Variants in TMEM18 observed in about 807,000 individuals in gnomAD.
TMEM18 encodes the protein transmembrane protein 18.
Under a neutral mutation model 17.4 loss-of-function variants are expected in TMEM18, and 14 were observed. The observed-to-expected ratio is 0.80, with a 90% confidence interval of 0.53 to 1.25. The LOEUF (loss-of-function observed/expected upper bound fraction) is 1.25, where lower values mean the gene tolerates loss of function less well. Among genes scored for constraint, TMEM18 ranks in the 50% most tolerant of loss-of-function variants. The pLI is 0.00. For missense variants in TMEM18, 187 were observed against 172.1 expected (o/e 1.09, Z -0.48); for synonymous variants, 86 against 66.1 (o/e 1.30, Z -1.46).
Position 672,881 on chromosome 2 carries a change from C to A in TMEM18, c.179-19G>T, listed in dbSNP as rs1678892624. On this transcript the variant is annotated intron_variant, in intron 2 of 4. Transcript: ENST00000281017. ...AAGATGACTGAAAAAAGGTACAAGT[C>A]ATATTAGAATTTAGATGGCCCGTTA... 2.6e-6 allele frequency: 4 copies of A among 1,510,086 alleles called. No individual in the cohort carries two copies. In the South Asian group the frequency reaches 4.2e-5, roughly 16 times the overall value. 93.5% of individuals were successfully genotyped at this position (1,510,086 alleles called of 1,614,324 possible).
chr2:664,164 G>A lies in TMEM18; in HGVS notation c.*5416C>T, dbSNP rs1174314803. The stretch of plus-strand genomic sequence containing the variant: ...CCCATCAGTGTGAACTAAGTAACAG[G>A]TGAAATCATAAGGATGGCACAATGT... On this transcript the variant is annotated 3_prime_UTR_variant, in exon 5 of 5. Coordinates refer to ENST00000281017, the MANE Select transcript of TMEM18 (RefSeq NM_152834.4). 6.6e-6 allele frequency among the ~76,000 whole-genome samples: 1 copy of A among 152,242 alleles called. No homozygotes were observed. The highest frequency in any genetic ancestry group is 1.5e-5 in the Non-Finnish European group (1 of 68,048).
rs1156419049 is a variant in TMEM18, at chr2:668,536, T to C, written c.*1044A>G. 1 of 152,242 alleles carries C rather than the reference T, an allele frequency of 6.6e-6. No homozygotes were observed. The highest frequency in any genetic ancestry group is 2.4e-5 in the African/African-American group (1 of 41,456). 9.4% of individuals were successfully genotyped at this position (152,242 alleles called of 1,614,324 possible). A position where few individuals can be genotyped will look rare whatever the true frequency, so the allele number is the denominator to read the frequency against. On this transcript the variant is annotated 3_prime_UTR_variant, in exon 5 of 5. Transcript: ENST00000281017. ...CAAAGATAACTGTTCCAATTACATT[T>C]TGAATTGGTAACTTTCAGAAATGCA... is the stretch of plus-strand genomic sequence containing the variant.
rs1408991723 is a variant in TMEM18 at position 663,900 on chromosome 2, T to G, written c.*5680A>C. Among the ~76,000 whole-genome samples, 1 of 152,204 alleles carries G rather than the reference T, an allele frequency of 6.6e-6. No homozygotes were observed. On this transcript the variant is annotated 3_prime_UTR_variant, in exon 5 of 5. Coordinates refer to ENST00000281017, the MANE Select transcript of TMEM18 (RefSeq NM_152834.4). Reference sequence around the variant, plus strand: ...AATTTAAAGAGCAAAAAAGCCAACATGAGTAACTTTATTTATAAAGGTGTC... The same window carrying G: ...AATTTAAAGAGCAAAAAAGCCAACAGGAGTAACTTTATTTATAAAGGTGTC...
rs1678971758 is a variant in TMEM18, at chr2:675,450, C to G, written c.178+60G>C. The stretch of plus-strand genomic sequence containing the variant: ...ATATATTTCGAAGACACAGACAGAA[C>G]ATACACAGTTTCATTTCACACAGTG... On this transcript the variant is annotated intron_variant, in intron 2 of 4. Coordinates refer to ENST00000281017, the MANE Select transcript of TMEM18 (RefSeq NM_152834.4). 2.5e-6 allele frequency: 4 copies of G among 1,611,186 alleles called. No homozygotes were observed. The African/African-American group carries it at 4.0e-5, about 16-fold the overall frequency.
chr2:675,725 C>T (rs1394030527), intron 1 of TMEM18, 95 bp from the exon 2 acceptor site: 1 of 1,550,262 alleles, frequency 6.5e-7, no homozygotes, highest in African/African-American at 1.4e-5. Context: ...GAGGCAGGGG[C>T]CTCTCACTCC....
intron 1 of TMEM18, chr2:676,703 G>A: frequency 5.4e-6 from 8 of 1,478,710 alleles, no homozygotes; most frequent in South Asian, 2.5e-5. Context: ...AACCCGGCAC[G>A]GCGCACGCCC....
rs1457895369 is a variant in TMEM18 at position 667,186 on chromosome 2, ATTTG to A, written c.*2390_*2393del. ...CTTCTACTGGCAAGGACACAATTGC[ATTTG>A]TTTGTTAAAACTCAGCACCAGATGC... On this transcript the variant is annotated 3_prime_UTR_variant, in exon 5 of 5. Coordinates refer to ENST00000281017, the MANE Select transcript of TMEM18 (RefSeq NM_152834.4). The A allele has an allele frequency of 6.6e-6, 1 of 152,144 alleles. No homozygotes were observed. The highest frequency in any genetic ancestry group is 1.5e-5 in the Non-Finnish European group (1 of 68,022). 9.4% of individuals were successfully genotyped at this position (152,144 alleles called of 1,614,324 possible). A position where few individuals can be genotyped will look rare whatever the true frequency, so the allele number is the denominator to read the frequency against.
Position 667,376 on chromosome 2 carries a change from G to A in TMEM18, c.*2204C>T, listed in dbSNP as rs189156551. The stretch of plus-strand genomic sequence containing the variant: ...TTTTATTGCATAGCAATCGATAAAC[G>A]TAAGGTGTCACAGGTTTGGAATGTG... On this transcript the variant is annotated 3_prime_UTR_variant, in exon 5 of 5. Coordinates refer to ENST00000281017, the MANE Select transcript of TMEM18 (RefSeq NM_152834.4). The A allele has an allele frequency of 5.9e-5, 9 of 152,042 alleles. No homozygotes were observed. Among genetic ancestry groups the A allele is most frequent in the African/African-American group, 1.9e-4 (8 of 41,452 alleles). 9.4% of individuals were successfully genotyped at this position (152,042 alleles called of 1,614,324 possible).
At chr2:676,864 G>A in intron 1 of TMEM18, 4 of 590,906 alleles carry the variant, frequency 6.8e-6, no homozygotes, top group African/African-American at 1.9e-5. Flanking sequence ...CACGAACAAA[G>A]CCCTACCCCT....
In TMEM18 at chr2:664,750, G is replaced by C. The variant is rs771652531; in HGVS notation, c.*4830C>G. 2.6e-5 allele frequency among the ~76,000 whole-genome samples: 4 copies of C among 152,180 alleles called. No homozygotes were observed. Among genetic ancestry groups the C allele is most frequent in the Non-Finnish European group, 4.4e-5 (3 of 68,032 alleles). ...TATATATGTTGACTAAATTTCACTT[G>C]TAAGAATTTATTCCAAGTCAATAGT... On this transcript the variant is annotated 3_prime_UTR_variant, in exon 5 of 5. Coordinates refer to ENST00000281017, the MANE Select transcript of TMEM18 (RefSeq NM_152834.4).
At chr2:676,887 A>G (rs1659253853) in intron 1 of TMEM18, 1 of 575,780 alleles carries the variant, frequency 1.7e-6, no homozygotes, top group Non-Finnish European at 3.1e-6. Flanking sequence ...CGCTCCGCCC[A>G]CACAACTCAG....
chr2:673,732 A>AGGGAGG (rs1486872894), intron 2 of TMEM18, among the ~76,000 whole-genome samples: 1 of 55,206 alleles, frequency 1.8e-5, no homozygotes, highest in Non-Finnish European at 3.6e-5. Context: ...AGGGGAGGGG[A>AGGGAGG]GGGAGGAGGA....
Position 667,834 on chromosome 2 carries a change from A to G in TMEM18, c.*1746T>C, listed in dbSNP as rs1678733089. 1 of 152,226 alleles carries G rather than the reference A, an allele frequency of 6.6e-6. No homozygotes were observed. The highest frequency in any genetic ancestry group is 6.5e-5 in the Admixed American group (1 of 15,286). 9.4% of individuals were successfully genotyped at this position (152,226 alleles called of 1,614,324 possible). Reference sequence around the variant, plus strand: ...TGTCATCAGCATCAAATTCATGCAAAGCTAGCAATACTGTTACACTACTTT... The same window carrying G: ...TGTCATCAGCATCAAATTCATGCAAGGCTAGCAATACTGTTACACTACTTT... On this transcript the variant is annotated 3_prime_UTR_variant, in exon 5 of 5. Transcript: ENST00000281017.
intron 2 of TMEM18, among the ~76,000 whole-genome samples, chr2:673,113 G>A (rs1274185435): frequency 6.6e-6 from 1 of 152,202 alleles, no homozygotes; most frequent in Non-Finnish European, 1.5e-5. Context: ...GTCAGCACCT[G>A]CAGAGCTACT....
intron 1 of TMEM18, chr2:676,162 CCT>C (rs2103095150): frequency 1.5e-6 from 2 of 1,335,324 alleles, no homozygotes; most frequent in East Asian, 9.9e-5. Context: ...TTTTCTCCAA[CCT>C]CTCTGCAATA....
intron 1 of TMEM18, chr2:676,096 TAGTC>T (rs1444654822): frequency 6.1e-6 from 8 of 1,321,862 alleles, no homozygotes; most frequent in Non-Finnish European, 8.0e-6. Context: ...TCAGACTCCT[TAGTC>T]AGCACTGAAG....
At chr2:675,294 G>A (rs1678967837) in intron 2 of TMEM18, among the ~76,000 whole-genome samples, 1 of 152,236 alleles carries the variant, frequency 6.6e-6, no homozygotes, top group African/African-American at 2.4e-5. Flanking sequence ...GTAGGCAACA[G>A]GAACTCAACA....
chr2:676,703 G>T, intron 1 of TMEM18: 1 of 1,478,708 alleles, frequency 6.8e-7, no homozygotes, highest in Non-Finnish European at 9.2e-7. Context: ...AACCCGGCAC[G>T]GCGCACGCCC....
chr2:675,613 C>A lies in TMEM18; in HGVS notation c.75G>T (p.Glu25Asp). ...PAVLTQTDWT[E>D]PWLMGLATFH... ...AGGTGGCCAGCCCCATGAGCCAGGG[C>A]TCAGTCCAGTCCGTCTGCTGTAGGA... is the stretch of plus-strand genomic sequence containing the variant. The change falls in exon 2 of 5, where the codon GAG (glutamate) becomes GAT (aspartate). Residue 25 changes from glutamate (E) to aspartate (D), a missense_variant. Physicochemically the swap from Glu to Asp is conservative, Grantham distance 45. Coordinates refer to ENST00000281017, the MANE Select transcript of TMEM18 (RefSeq NM_152834.4). 6.2e-7 allele frequency: 1 copy of A among 1,614,096 alleles called. No homozygotes were observed. The highest frequency in any genetic ancestry group is 8.5e-7 in the Non-Finnish European group (1 of 1,180,036).
Sources: gnomAD v4.1 joint callset for allele counts (sites outside exome capture counted in the v4.1 genomes callset) on GRCh38, gnomAD v4.1.1 for gene constraint, MANE v1.5 for transcripts, NCBI Gene and HGNC (gene_info 2026-07-23, HGNC 2026-07-21) for gene names.